The following PCTP variants were observed in gnomAD, a reference collection of about 807,000 sequenced individuals.
The protein encoded by PCTP is START domain-containing protein 2.
Under a neutral mutation model 31.0 loss-of-function variants are expected in PCTP, and 27 were observed. That is an observed-to-expected ratio of 0.87 (90% confidence interval 0.64 to 1.20). The LOEUF (loss-of-function observed/expected upper bound fraction) is 1.20, where lower values mean the gene tolerates loss of function less well. Among genes scored for constraint, PCTP ranks in the 50% most tolerant of loss-of-function variants. PCTP has a pLI of 0.00. For synonymous variants in PCTP, 108 were observed against 101.2 expected (o/e 1.07, Z -0.40); for missense variants, 287 against 268.2 (o/e 1.07, Z -0.49).
At chr17:55,831,582 G>C (rs576511056) in intron 5 of PCTP, among the ~76,000 whole-genome samples, 53 of 152,300 alleles carry the variant, frequency 3.5e-4, no homozygotes, top group African/African-American at 9.9e-4. Flanking sequence ...TTAAAAAAAG[G>C]GTTTTGTGTC....
chr17:55,752,199 C>T (rs1490437867), intron 1 of PCTP, among the ~76,000 whole-genome samples: 1 of 152,178 alleles, frequency 6.6e-6, no homozygotes, highest in Non-Finnish European at 1.5e-5. Flanking sequence ...TTTTTAGGCA[C>T]TTGCATTTTT....
chr17:55,757,583 C>T (rs1910111714), intron 1 of PCTP, among the ~76,000 whole-genome samples: 1 of 151,966 alleles, frequency 6.6e-6, no homozygotes, highest in Non-Finnish European at 1.5e-5. Context: ...ATATACTAAT[C>T]ACACTCATCA....
intron 3 of PCTP, among the ~76,000 whole-genome samples, chr17:55,788,216 C>G (rs957172738): frequency 6.6e-6 from 1 of 152,148 alleles, no homozygotes; most frequent in African/African-American, 2.4e-5. Context: ...TTGTACCATG[C>G]TAACTTTAAC....
downstream of PCTP, among the ~76,000 whole-genome samples, chr17:55,845,887 G>GGTGTGT (rs34179575): frequency 0.028 from 3,971 of 143,014 alleles, 72 homozygotes; most frequent in East Asian, 0.045. Context: ...AGAGGGTTGG[G>GGTGTGT]GTGTGTGTGT....
chr17:55,756,715 A>ATGTGTGTGTG (rs79186953), intron 1 of PCTP, among the ~76,000 whole-genome samples: 1 of 150,278 alleles, frequency 6.7e-6, no homozygotes, highest in African/African-American at 2.5e-5. Flanking sequence ...TGTATTATGA[A>ATGTGTGTGTG]TGTGTGTGTG....
At chr17:55,789,766 C>T (rs530132530) in intron 3 of PCTP, among the ~76,000 whole-genome samples, 56 of 152,258 alleles carry the variant, frequency 3.7e-4, no homozygotes, top group African/African-American at 1.3e-3. Flanking sequence ...CTGTTCCAAT[C>T]AGTAGAAAAA....
intron 5 of PCTP, among the ~76,000 whole-genome samples, chr17:55,836,552 TG>T (rs1905783288): frequency 6.6e-6 from 1 of 152,220 alleles, no homozygotes; most frequent in Admixed American, 6.5e-5. Context: ...GGAGACTTCC[TG>T]GGTTATCTTC....
chr17:55,769,424 A>T (rs1910858593), intron 2 of PCTP: 1 of 152,264 alleles, frequency 6.6e-6, no homozygotes, highest in Non-Finnish European at 1.5e-5. Flanking sequence ...CATGTGACAT[A>T]GACTCTGCCA....
intron 3 of PCTP, among the ~76,000 whole-genome samples, chr17:55,799,076 G>T (rs1237331551): frequency 6.6e-6 from 1 of 151,690 alleles, no homozygotes; most frequent in African/African-American, 2.4e-5. Flanking sequence ...TAATGGGGGG[G>T]GAATGCAATA....
chr17:55,848,939 TA>T, the PCTP span, among the ~76,000 whole-genome samples: 32 of 151,058 alleles, frequency 2.1e-4, no homozygotes, highest in East Asian at 1.4e-3. Flanking sequence ...CTGGAATAAA[TA>T]AAAAAAAATA....
rs1910724792 is a variant in PCTP, at chr17:55,767,398, G to A, written c.205G>A (p.Ala69Thr). 6.2e-7 allele frequency: 1 copy of A among 1,613,312 alleles called. No homozygotes were observed. Among genetic ancestry groups the A allele is most frequent in the Non-Finnish European group, 8.5e-7 (1 of 1,179,486 alleles). Residue 69 changes from alanine (A) to threonine (T), a missense_variant, in exon 2 of 6, where the codon GCA becomes ACA. By Grantham distance (58) the Ala-to-Thr change is moderately conservative (BLOSUM62 0). Coordinates refer to ENST00000268896, the MANE Select transcript of PCTP (RefSeq NM_021213.4). The part of the protein sequence containing the change: ...VLEDCSPTLL[A>T]DIYMDSDYRK... Reference sequence around the variant, plus strand: ...GGAGGACTGCTCACCAACTCTACTGGCAGACATCTATATGGACTCAGATTA... The same window carrying A: ...GGAGGACTGCTCACCAACTCTACTGACAGACATCTATATGGACTCAGATTA...
chr17:55,804,308 A>G (rs1416118869), intron 3 of PCTP, among the ~76,000 whole-genome samples: 3 of 152,190 alleles, frequency 2.0e-5, no homozygotes, highest in Non-Finnish European at 4.4e-5. Flanking sequence ...CAGTGTGGCA[A>G]TTCCTCAAAG....
chr17:55,770,899 T>TC, intron 2 of PCTP: 2 of 437,314 alleles, frequency 4.6e-6, no homozygotes, highest in South Asian at 6.5e-5. Flanking sequence ...TTTTTGCTTT[T>TC]TTTTTTTTTT....
rs1911336804 is a variant in PCTP, at chr17:55,776,467, A to T, written c.*367A>T. 6 of 1,231,998 alleles carry T rather than the reference A, an allele frequency of 4.9e-6. No homozygotes were observed. The South Asian group carries it at 2.1e-4, about 42-fold the overall frequency. 76.3% of individuals were successfully genotyped at this position (1,231,998 alleles called of 1,614,324 possible). On this transcript the variant is annotated 3_prime_UTR_variant, in exon 6 of 6. Coordinates refer to ENST00000268896, the MANE Select transcript of PCTP (RefSeq NM_021213.4). ...CATTCCATTGTGCAATTTTACGGGG[A>T]TGGGTGGGCGGAGGGACACAACAAA...
At chr17:55,751,613 T>C (rs1434861905) in intron 1 of PCTP, 10 of 389,538 alleles carry the variant, frequency 2.6e-5, no homozygotes, top group Non-Finnish European at 4.1e-5. Context: ...ATATGGGGGC[T>C]GGGGTGGGGG....
chr17:55,833,698 C>T (rs1196088581), intron 5 of PCTP, among the ~76,000 whole-genome samples: 2 of 152,192 alleles, frequency 1.3e-5, no homozygotes, highest in African/African-American at 2.4e-5. Context: ...GTGACTCTCA[C>T]GCATGCTCAA....
chr17:55,770,018 C>T (rs1910894659), intron 2 of PCTP: 1 of 152,232 alleles, frequency 6.6e-6, no homozygotes, highest in African/African-American at 2.4e-5. Context: ...GATTTTCTTT[C>T]AAAACCTAAA....
intron 1 of PCTP, among the ~76,000 whole-genome samples, chr17:55,763,903 G>C (rs1910483799): frequency 6.6e-6 from 1 of 152,184 alleles, no homozygotes; most frequent in Non-Finnish European, 1.5e-5. Flanking sequence ...ACATTGTATT[G>C]ATGAAGTAGG....
intron 3 of PCTP, among the ~76,000 whole-genome samples, chr17:55,812,506 A>G (rs1213899904): frequency 6.6e-6 from 1 of 152,222 alleles, no homozygotes; most frequent in Non-Finnish European, 1.5e-5. Flanking sequence ...GCCAGATTAG[A>G]TTCCTCACCT....
Sources: allele counts gnomAD v4.1 joint callset (sites outside exome capture counted in the v4.1 genomes callset), GRCh38; gene constraint gnomAD v4.1.1; transcripts MANE v1.5; gene names NCBI Gene and HGNC (gene_info 2026-07-23, HGNC 2026-07-21).